The following CGAS variants were observed in gnomAD, a reference collection of about 807,000 sequenced individuals.
CGAS encodes cyclic GMP-AMP synthase.
Under a neutral mutation model 34.0 loss-of-function variants are expected in CGAS, and 31 were observed. The observed-to-expected ratio is 0.91, with a 90% CI of 0.69 to 1.23. The LOEUF (loss-of-function observed/expected upper bound fraction) is 1.23, where lower values mean the gene tolerates loss of function less well. Among genes scored for constraint, CGAS ranks in the 50% most tolerant of loss-of-function variants. CGAS has a pLI of 0.00. For missense variants in CGAS, 597 were observed against 657.6 expected, an observed-to-expected ratio of 0.91 and a Z score of 1.01; for synonymous variants, 266 against 260.0, an observed-to-expected ratio of 1.02 and a Z score of -0.22.
intron 1 of CGAS, among the ~76,000 whole-genome samples, chr6:73,449,284 G>C (rs1457279517): frequency 6.6e-6 from 1 of 151,960 alleles, no homozygotes; most frequent in Non-Finnish European, 1.5e-5. Flanking sequence ...AGACCAGCCT[G>C]GCTAACACGG....
At chr6:73,451,349 G>A (rs952802101) in intron 1 of CGAS, among the ~76,000 whole-genome samples, 176 bp downstream of exon 1, 1 of 152,200 alleles carries the variant, frequency 6.6e-6, no homozygotes, top group African/African-American at 2.4e-5. Context: ...ATCGTTGGAT[G>A]TGTAGATGAA....
At chr6:73,449,397 C>T (rs1770523453) in intron 1 of CGAS, among the ~76,000 whole-genome samples, 1 of 151,624 alleles carries the variant, frequency 6.6e-6, no homozygotes, top group Admixed American at 6.6e-5. Flanking sequence ...ATGGTGTGAA[C>T]CCAGTAGGCA....
chr6:73,441,089 T>TC (rs1770371966), intron 2 of CGAS, among the ~76,000 whole-genome samples: 1 of 150,778 alleles, frequency 6.6e-6, no homozygotes, highest in Non-Finnish European at 1.5e-5. Flanking sequence ...TTTCTTTTTT[T>TC]TTTTTTTTGA....
At chr6:73,442,724 G>A (rs947988799) in intron 2 of CGAS, among the ~76,000 whole-genome samples, 1 of 149,648 alleles carries the variant, frequency 6.7e-6, no homozygotes, top group African/African-American at 2.5e-5. Context: ...TCAACTTCCT[G>A]AGTAGCTATG....
At chr6:73,442,558 T>G (rs915817116) in intron 2 of CGAS, among the ~76,000 whole-genome samples, 1 of 150,632 alleles carries the variant, frequency 6.6e-6, no homozygotes, top group African/African-American at 2.4e-5. Flanking sequence ...ATGCCACCAC[T>G]CCTGGCTAAT....
chr6:73,435,906 C>G (rs1037769233), intron 3 of CGAS, among the ~76,000 whole-genome samples: 1 of 151,760 alleles, frequency 6.6e-6, no homozygotes, highest in Non-Finnish European at 1.5e-5. Flanking sequence ...AAAGTAATAC[C>G]AGTATTATTA....
chr6:73,428,052 C>T (rs1770118485), intron 4 of CGAS, among the ~76,000 whole-genome samples: 1 of 151,890 alleles, frequency 6.6e-6, no homozygotes, highest in African/African-American at 2.4e-5. Context: ...GCCAACAGGC[C>T]CTCTACAAAA....
At chr6:73,435,941 G>A (rs1310036676) in intron 3 of CGAS, among the ~76,000 whole-genome samples, 1 of 151,960 alleles carries the variant, frequency 6.6e-6, no homozygotes, top group African/African-American at 2.4e-5. Context: ...ATAAAAAACA[G>A]CTTATAATTT....
At chr6:73,435,854 A>G (rs6909621) in intron 3 of CGAS, among the ~76,000 whole-genome samples, 9,905 of 151,566 alleles carry the variant, frequency 0.065, 578 homozygotes, top group African/African-American at 0.15. Context: ...ATGTATATAA[A>G]TTACTATATT....
chr6:73,451,117 G>C (rs1378135212), intron 1 of CGAS, among the ~76,000 whole-genome samples: 1 of 152,096 alleles, frequency 6.6e-6, no homozygotes, highest in Non-Finnish European at 1.5e-5. Context: ...TATGGAGTAA[G>C]AGGTCTTCCT....
In CGAS at chr6:73,452,067, C is replaced by G. The variant is rs777938732; in HGVS notation, c.115G>C (p.Ala39Pro). ...GAPMDPTESPAAPEAALPKAG... is the reference protein window; with the variant it reads ...GAPMDPTESPPAPEAALPKAG... ...TTAGGCAGGGCGGCCTCGGGGGCAG[C>G]CGGAGACTCGGTGGGATCCATCGGG... Residue 39 changes from alanine (A) to proline (P), a missense_variant, in exon 1 of 5, where the codon GCT becomes CCT. By Grantham distance (27) the Ala-to-Pro change is conservative. Around this residue, in one of 3 missense-constraint regions of CGAS, gnomAD observed 321 missense variants for 314.3 expected, o/e 1.02. Transcript: ENST00000370315. 3.9e-6 allele frequency: 6 copies of G among 1,545,040 alleles called. No homozygotes were observed. The Middle Eastern group carries it at 7.0e-4, about 181-fold the overall frequency.
Position 73,428,701 on chromosome 6 carries a change from G to C in CGAS, c.1217+8C>G, listed in dbSNP as rs140675395. ...ATAATCTGTCATTTAACAAAATAAG[G>C]CTGTTACCTGCAACATTTCTCTTCT... On this transcript the variant is annotated splice_region_variant and intron_variant, in intron 4 of 4. Transcript: ENST00000370315. 4.9e-4 allele frequency: 782 copies of C among 1,605,752 alleles called. 5 individuals carry two copies. The African/African-American group carries it at 8.5e-3, about 17-fold the overall frequency.
In CGAS at chr6:73,443,369, G is replaced by A. The variant is rs185124641; in HGVS notation, c.877+2159C>T. Among the ~76,000 whole-genome samples the A allele has an allele frequency of 3.7e-3, 553 of 151,052 alleles. 5 individuals are homozygous for A. In the South Asian group the frequency reaches 0.038, roughly 10 times the overall value. On this transcript the variant is annotated intron_variant, in intron 2 of 4. Coordinates refer to ENST00000370315, the MANE Select transcript of CGAS (RefSeq NM_138441.3). ...ATTCTCTGCCTCAGCCTCCCAAGTA[G>A]CTGGGATTACAGGCACCCGCCACCA...
intron 3 of CGAS, among the ~76,000 whole-genome samples, chr6:73,433,751 T>G (rs982022115): frequency 1.4e-4 from 21 of 149,548 alleles, no homozygotes; most frequent in African/African-American, 5.2e-4. Flanking sequence ...CCTTCCAAAG[T>G]GCTGGGATTA....
rs1445252832 is a variant in CGAS, at chr6:73,443,755, T to A, written c.877+1773A>T. On this transcript the variant is annotated intron_variant, in intron 2 of 4. Transcript: ENST00000370315. Reference sequence around the variant, plus strand: ...TAAAGCTCTTAATCTAATAGCGTAATAACATACAACACAAATTGCAGTGAG... The same window carrying A: ...TAAAGCTCTTAATCTAATAGCGTAAAAACATACAACACAAATTGCAGTGAG... 2.6e-5 allele frequency among the ~76,000 whole-genome samples: 4 copies of A among 152,268 alleles called. No individual in the cohort carries two copies. In the East Asian group the frequency reaches 7.7e-4, roughly 29 times the overall value.
chr6:73,429,017 C>G lies in CGAS; in HGVS notation c.1115-206G>C, dbSNP rs544636930. 2.6e-4 allele frequency among the ~76,000 whole-genome samples: 39 copies of G among 151,854 alleles called. No individual in the cohort carries two copies. In the South Asian group the frequency reaches 5.6e-3, roughly 22 times the overall value. ...GCCTGACCAACATGGAGAAACCCATCTCTACCAAAAATACAAAAAAAAGTT... is the reference window on the plus strand; with the variant it reads ...GCCTGACCAACATGGAGAAACCCATGTCTACCAAAAATACAAAAAAAAGTT... On this transcript the variant is annotated intron_variant, in intron 3 of 4. Transcript: ENST00000370315.
intron 3 of CGAS, among the ~76,000 whole-genome samples, chr6:73,435,705 A>T (rs1444342037): frequency 6.6e-6 from 1 of 151,674 alleles, no homozygotes; most frequent in Non-Finnish European, 1.5e-5. Flanking sequence ...TTAGGAGGCC[A>T]AAGTGGGAGG....
intron 1 of CGAS, among the ~76,000 whole-genome samples, chr6:73,449,426 G>C (rs1207195245): frequency 2.6e-5 from 4 of 151,434 alleles, no homozygotes; most frequent in Non-Finnish European, 5.9e-5. Context: ...AGTGAGCCGA[G>C]ATCGCGCCAC....
intron 3 of CGAS, among the ~76,000 whole-genome samples, chr6:73,429,602 G>A (rs570998567): frequency 4.7e-4 from 72 of 152,032 alleles, no homozygotes; most frequent in Middle Eastern, 3.4e-3. Flanking sequence ...CAAGGTGGGC[G>A]GATCACAAGG....
Sources: allele counts gnomAD v4.1 joint callset (sites outside exome capture counted in the v4.1 genomes callset), GRCh38; gene constraint gnomAD v4.1.1; regional missense constraint gnomAD v4.1.1; transcripts MANE v1.5; gene names NCBI Gene and HGNC (gene_info 2026-07-23, HGNC 2026-07-21).